DFFB: variants seen among roughly 807,000 people sequenced by gnomAD.
The protein encoded by DFFB is DNA fragmentation factor 40 kDa subunit.
DFFB carries 29 observed loss-of-function variants against 32.7 expected under a neutral mutation model. That is an observed-to-expected ratio of 0.89 (90% CI 0.66 to 1.21). The LOEUF (loss-of-function observed/expected upper bound fraction) is 1.21, where lower values mean the gene tolerates loss of function less well. Ranked by LOEUF, DFFB falls within the 50% of genes most tolerant of loss-of-function variation. The pLI is 0.00. For synonymous variants in DFFB, 170 were observed against 177.1 expected (o/e 0.96, Z 0.32); for missense variants, 398 against 440.6 (o/e 0.90, Z 0.87).
rs550709288 is a variant in DFFB, at chr1:3,873,529, G to A, written c.782+957G>A. On this transcript the variant is annotated intron_variant, in intron 6 of 6. Transcript: ENST00000378209. ...AGTTTTGCTCTTGTTGCCCAGGCTG[G>A]AGTGCAATGATGTGATCTCGGCTCA... Among the ~76,000 whole-genome samples the A allele has an allele frequency of 2.0e-4, 31 of 151,666 alleles. No individual in the cohort carries two copies. In the South Asian group the frequency reaches 5.4e-3, roughly 27 times the overall value.
At chr1:3,880,210 C>A (rs1645308302) in intron 6 of DFFB, among the ~76,000 whole-genome samples, 3 of 152,262 alleles carry the variant, frequency 2.0e-5, no homozygotes, top group Middle Eastern at 6.8e-3. Context: ...TGGTGAGCTT[C>A]CTGGTTGGCA....
At chr1:3,879,769 CGCT>C (rs1407946077) in intron 6 of DFFB, among the ~76,000 whole-genome samples, 5 of 152,092 alleles carry the variant, frequency 3.3e-5, no homozygotes, top group African/African-American at 1.2e-4. Context: ...TCATTCTGTC[CGCT>C]GAGTACATGC....
Position 3,877,873 on chromosome 1 carries a change from G to A in DFFB, c.782+5301G>A, listed in dbSNP as rs1448485795. Among the ~76,000 whole-genome samples, 5 of 143,366 alleles carry A rather than the reference G, an allele frequency of 3.5e-5. No homozygotes were observed. The South Asian group carries it at 8.9e-4, about 26-fold the overall frequency. 94.1% of individuals were successfully genotyped at this position (143,366 alleles called of 152,430 possible). On this transcript the variant is annotated intron_variant, in intron 6 of 6. Transcript: ENST00000378209. Reference sequence around the variant, plus strand: ...CTGTGCCGGCTTTCTATTCTGTGCCGGCTTTCTCTCGGTCCTGTGGCGTTT... The same window carrying A: ...CTGTGCCGGCTTTCTATTCTGTGCCAGCTTTCTCTCGGTCCTGTGGCGTTT...
At chr1:3,872,632 G>GTCCCTGCCGCA in intron 6 of DFFB, 60 bp downstream of exon 6, 7 of 1,454,694 alleles carry the variant, frequency 4.8e-6, no homozygotes, top group Admixed American at 1.7e-5. Flanking sequence ...TCCCTGCCGT[G>GTCCCTGCCGCA]GCCCTGTCCC....
intron 6 of DFFB, among the ~76,000 whole-genome samples, chr1:3,878,604 C>T (rs1645272871): frequency 6.6e-6 from 1 of 152,214 alleles, no homozygotes; most frequent in Non-Finnish European, 1.5e-5. Flanking sequence ...CCTTCTTTCC[C>T]TTGCCCATCA....
intron 4 of DFFB, among the ~76,000 whole-genome samples, chr1:3,868,718 C>CACCAAGCCACACCACACCAG (rs1439493586): frequency 6.5e-5 from 9 of 138,078 alleles, no homozygotes; most frequent in Non-Finnish European, 7.4e-5. Flanking sequence ...GGCCACACCA[C>CACCAAGCCACACCACACCAG]GTCATTCCAC....
At chr1:3,863,618 A>G (rs1054025150) in intron 2 of DFFB, among the ~76,000 whole-genome samples, 5 of 152,214 alleles carry the variant, frequency 3.3e-5, no homozygotes, top group Non-Finnish European at 5.9e-5. Flanking sequence ...TAAGTCTCCA[A>G]TGATGAACAC....
At chr1:3,863,057 G>C (rs1324925780) in intron 2 of DFFB, among the ~76,000 whole-genome samples, 3 of 152,218 alleles carry the variant, frequency 2.0e-5, no homozygotes, top group African/African-American at 7.2e-5. Context: ...GCTGAGGCAG[G>C]AGAATTGCTT....
intron 6 of DFFB, among the ~76,000 whole-genome samples, chr1:3,877,925 G>A (rs1320719768): frequency 1.3e-5 from 2 of 152,058 alleles, no homozygotes; most frequent in East Asian, 3.9e-4. Context: ...GCCTTTATGT[G>A]CCATTAGGTT....
chr1:3,858,953 A>T, intron 2 of DFFB, 109 bp downstream of exon 2: 1 of 1,451,358 alleles, frequency 6.9e-7, no homozygotes, highest in Non-Finnish European at 9.1e-7. Context: ...CTTACTGTGA[A>T]CTCTCGGGTC....
chr1:3,881,824 C>T (rs1428640501), intron 6 of DFFB, among the ~76,000 whole-genome samples: 5 of 151,322 alleles, frequency 3.3e-5, no homozygotes, highest in African/African-American at 9.7e-5. Flanking sequence ...GAGCTGAGAT[C>T]GTGCCACTGC....
intron 4 of DFFB, among the ~76,000 whole-genome samples, chr1:3,869,082 C>T (rs559542125): frequency 2.4e-4 from 36 of 152,250 alleles, no homozygotes; most frequent in African/African-American, 7.9e-4. Flanking sequence ...TTTTTTGAGA[C>T]GGAGTCTCAC....
chr1:3,867,825 C>T (rs540651329), intron 3 of DFFB, 149 bp from the exon 4 acceptor site: 2 of 719,134 alleles, frequency 2.8e-6, no homozygotes, highest in Admixed American at 2.2e-5. Context: ...TGTACTCCAG[C>T]CTGGAGGACA....
intron 3 of DFFB, 170 bp downstream of exon 3, chr1:3,866,170 G>A: frequency 1.4e-6 from 1 of 702,336 alleles, no homozygotes; most frequent in South Asian, 1.6e-5. Flanking sequence ...CAGCCTCGTG[G>A]GAAAGGTACC....
rs748306783 is a variant in DFFB at position 3,857,593 on chromosome 1, G to A, written c.-11G>A. 6.4e-7 allele frequency: 1 copy of A among 1,563,810 alleles called. No homozygotes were observed. Among genetic ancestry groups the A allele is most frequent in the South Asian group, 1.2e-5 (1 of 84,484 alleles). On this transcript the variant is annotated 5_prime_UTR_variant, in exon 1 of 7. Coordinates refer to ENST00000378209, the MANE Select transcript of DFFB (RefSeq NM_004402.4). ...CGCCTGTGGGACCCAGAGGGCTTGA[G>A]GACATCTGCAATGCTCCAGAAGCCC...
intron 2 of DFFB, among the ~76,000 whole-genome samples, chr1:3,864,267 T>C (rs572116998): frequency 9.9e-5 from 15 of 151,642 alleles, no homozygotes; most frequent in Non-Finnish European, 1.6e-4. Context: ...GCCCGGCCTC[T>C]GAATTGTACA....
chr1:3,878,485 G>T (rs1053657701), intron 6 of DFFB, among the ~76,000 whole-genome samples: 5 of 152,208 alleles, frequency 3.3e-5, no homozygotes, highest in African/African-American at 9.6e-5. Context: ...GTTTTGTTGA[G>T]TGAATACAGA....
chr1:3,883,497 T>G lies in DFFB; in HGVS notation c.783-10T>G. The G allele has an allele frequency of 6.2e-7, 1 of 1,612,986 alleles. No homozygotes were observed. ...CCACAGAAAATGATGTCTCTAACCT[T>G]ACTTTGCAGAATAGAAAAGAAACGC... is the stretch of plus-strand genomic sequence containing the variant. On this transcript the variant is annotated splice_polypyrimidine_tract_variant and intron_variant, in intron 6 of 6. Coordinates refer to ENST00000378209, the MANE Select transcript of DFFB (RefSeq NM_004402.4).
rs2124736124 is a variant in DFFB at position 3,865,940 on chromosome 1, C to T, written c.370C>T (p.His124Tyr). Reference sequence around the variant, plus strand: ...GCAGAGGCTGCTGGCTGACCTCCTGCACAACGTCAGCCAGAACATCGCGGC... The same window carrying T: ...GCAGAGGCTGCTGGCTGACCTCCTGTACAACGTCAGCCAGAACATCGCGGC... ...QRQRLLADLL[H>Y]NVSQNIAAET... Residue 124 changes from histidine to tyrosine, a missense_variant, in exon 3 of 7, where the codon CAC becomes TAC. Coordinates refer to ENST00000378209, the MANE Select transcript of DFFB (RefSeq NM_004402.4). This position sits in a 1 kb window ranked among gnomAD's most constrained non-coding sequence, Gnocchi z 4.7. The T allele has an allele frequency of 6.2e-7, 1 of 1,607,178 alleles. No individual in the cohort carries two copies. Among genetic ancestry groups the T allele is most frequent in the South Asian group, 1.1e-5 (1 of 90,582 alleles).
Sources: allele counts gnomAD v4.1 joint callset (sites outside exome capture counted in the v4.1 genomes callset), GRCh38; gene constraint gnomAD v4.1.1; non-coding constraint Gnocchi (gnomAD v3.1); transcripts MANE v1.5; gene names NCBI Gene and HGNC (gene_info 2026-07-23, HGNC 2026-07-21).